TSGA10: variants seen among roughly 807,000 people sequenced by gnomAD.
The protein encoded by TSGA10 is testis-specific gene 10 protein.
Under a neutral mutation model 96.6 loss-of-function variants are expected in TSGA10, and 43 were observed. The observed-to-expected ratio is 0.44, with a 90% CI of 0.35 to 0.57. The LOEUF is 0.57. Ranked by LOEUF, TSGA10 falls within the 20% of genes least tolerant of loss-of-function variation. The pLI, the probability that TSGA10 is intolerant of heterozygous loss-of-function variation, is 0.01. For missense variants in TSGA10, 703 were observed against 834.4 expected (o/e 0.84, Z 1.94); for synonymous variants, 229 against 269.9 (o/e 0.85, Z 1.48).
chr2:99,118,496 T>A, intron 3 of TSGA10, 55 bp downstream of exon 3: 1 of 624,938 alleles, frequency 1.6e-6, no homozygotes, highest in Non-Finnish European at 2.0e-6. Flanking sequence ...TATACGTATA[T>A]ATATGTGTAT....
chr2:99,011,490 T>C (rs2104877375), intron 20 of TSGA10, among the ~76,000 whole-genome samples: 1 of 152,172 alleles, frequency 6.6e-6, no homozygotes, highest in South Asian at 2.1e-4. Context: ...TTTTAAAAAA[T>C]GAACAAATCC....
rs1574029098 is a variant in TSGA10 at position 99,069,120 on chromosome 2, C to T, written c.1108-122G>A. On this transcript the variant is annotated intron_variant, in intron 14 of 20. Transcript: ENST00000393483. ...AAAATTAACATACCTAATATATAAA[C>T]TCATATAAAAAAAGAAAACACATAA... The T allele has an allele frequency of 9.2e-6, 4 of 434,752 alleles. No individual in the cohort carries two copies. In the East Asian group the frequency reaches 1.5e-4, roughly 16 times the overall value. 26.9% of individuals were successfully genotyped at this position (434,752 alleles called of 1,614,324 possible). A position where few individuals can be genotyped will look rare whatever the true frequency, so the allele number is the denominator to read the frequency against.
chr2:99,116,188 CAAAT>C (rs759075625), intron 4 of TSGA10, among the ~76,000 whole-genome samples: 8 of 152,118 alleles, frequency 5.3e-5, no homozygotes, highest in Non-Finnish European at 8.8e-5. Flanking sequence ...AAAATCAAGA[CAAAT>C]AAGCATGTTC....
chr2:99,002,434 CT>C (rs1414016442), intron 20 of TSGA10, among the ~76,000 whole-genome samples: 1 of 152,188 alleles, frequency 6.6e-6, no homozygotes, highest in Non-Finnish European at 1.5e-5. Context: ...CAAACAGATG[CT>C]GAGAGATGTT....
At chr2:99,051,599 G>A (rs563316023) in intron 16 of TSGA10, among the ~76,000 whole-genome samples, 3 of 151,974 alleles carry the variant, frequency 2.0e-5, no homozygotes, top group African/African-American at 4.8e-5. Flanking sequence ...CAGGTAAATA[G>A]AAGACTTAAA....
At chr2:99,094,936 AG>A (rs2089856407) in intron 10 of TSGA10, among the ~76,000 whole-genome samples, 1 of 152,220 alleles carries the variant, frequency 6.6e-6, no homozygotes, top group Non-Finnish European at 1.5e-5. Flanking sequence ...TATACAAAAA[AG>A]ATACTTGTAC....
intron 10 of TSGA10, among the ~76,000 whole-genome samples, chr2:99,098,137 C>A (rs1328258652): frequency 6.6e-6 from 1 of 151,856 alleles, no homozygotes; most frequent in Non-Finnish European, 1.5e-5. Flanking sequence ...TTACATGTTT[C>A]TATTAGAAAA....
intron 17 of TSGA10, among the ~76,000 whole-genome samples, chr2:99,022,341 A>G (rs996971143): frequency 3.3e-5 from 5 of 150,986 alleles, no homozygotes; most frequent in African/African-American, 1.2e-4. Flanking sequence ...AAAAAAAAAA[A>G]AAAAAAAAAA....
rs561198563 is a variant in TSGA10 at position 99,147,169 on chromosome 2, T to A, written c.-621+7524A>T. ...TTGTGGCATATCTTTTTGTTTTTTT[T>A]AATTTTTTTCTGATAGGGATGAGGT... On this transcript the variant is annotated intron_variant, in intron 1 of 20. Coordinates refer to ENST00000393483, the MANE Select transcript of TSGA10 (RefSeq NM_025244.4). 23 of 318,784 alleles carry A rather than the reference T, an allele frequency of 7.2e-5. 1 individual carries two copies. The highest frequency in any genetic ancestry group is 1.1e-4 in the Non-Finnish European group (20 of 176,680). 19.7% of individuals were successfully genotyped at this position (318,784 alleles called of 1,614,324 possible).
At position 99,135,518 on chromosome 2, in the gene TSGA10, T is replaced by G. The variant is rs549259451; in HGVS notation, c.-620-8342A>C. Among the ~76,000 whole-genome samples, 17 of 152,330 alleles carry G rather than the reference T, an allele frequency of 1.1e-4. 1 individual carries two copies. In the South Asian group the frequency reaches 3.5e-3, roughly 32 times the overall value. ...AATTTATTCTTTATTTTTTTCAATG[T>G]GAAGTCTAAAATAAGGAAGAACTTT... is the stretch of plus-strand genomic sequence containing the variant. On this transcript the variant is annotated intron_variant, in intron 1 of 20. Coordinates refer to ENST00000393483, the MANE Select transcript of TSGA10 (RefSeq NM_025244.4).
chr2:99,103,826 T>G (rs1420697482), intron 10 of TSGA10, 141 bp downstream of exon 10: 1 of 943,916 alleles, frequency 1.1e-6, no homozygotes, highest in African/African-American at 1.7e-5. Flanking sequence ...GTTCACTGTG[T>G]GCCAAGGGTT....
chr2:99,091,241 A>C (rs577580660), intron 10 of TSGA10, among the ~76,000 whole-genome samples: 1 of 152,192 alleles, frequency 6.6e-6, no homozygotes, highest in African/African-American at 2.4e-5. Context: ...ACCACTACCA[A>C]GCCAGCACTA....
At chr2:99,152,473 C>A (rs1360053105) in intron 1 of TSGA10, among the ~76,000 whole-genome samples, 2 of 152,110 alleles carry the variant, frequency 1.3e-5, no homozygotes, top group Non-Finnish European at 2.9e-5. Context: ...TTTTTAGAGA[C>A]AGAGTCTTAC....
intron 10 of TSGA10, among the ~76,000 whole-genome samples, chr2:99,100,518 A>C (rs1393232140): frequency 6.6e-6 from 1 of 152,156 alleles, no homozygotes; most frequent in Non-Finnish European, 1.5e-5. Context: ...CACAACATAC[A>C]CAAAAATACA....
At chr2:99,035,751 C>G (rs2081566245) in intron 16 of TSGA10, among the ~76,000 whole-genome samples, 1 of 151,608 alleles carries the variant, frequency 6.6e-6, no homozygotes, top group African/African-American at 2.4e-5. Context: ...TATCATTTGA[C>G]CAACAGTTTT....
chr2:99,021,722 G>A (rs1010491300), intron 17 of TSGA10, among the ~76,000 whole-genome samples: 1 of 152,150 alleles, frequency 6.6e-6, no homozygotes, highest in Admixed American at 6.5e-5. Context: ...CACCAAAAAT[G>A]TCATTACTAA....
chr2:99,003,780 A>C (rs145737114), intron 20 of TSGA10, among the ~76,000 whole-genome samples: 2,646 of 152,266 alleles, frequency 0.017, 107 homozygotes, highest in South Asian at 0.16. Flanking sequence ...ATACCAGAAT[A>C]TCTGGGACAC....
chr2:99,035,501 A>G, intron 16 of TSGA10, 62 bp from the exon 17 acceptor site: 2 of 1,197,666 alleles, frequency 1.7e-6, no homozygotes, highest in Non-Finnish European at 2.3e-6. Flanking sequence ...AGGAAACTAT[A>G]ACATGGAAAA....
At chr2:99,048,190 T>C (rs535428687) in intron 16 of TSGA10, among the ~76,000 whole-genome samples, 3 of 152,202 alleles carry the variant, frequency 2.0e-5, no homozygotes, top group East Asian at 1.9e-4. Context: ...CAAGCTACCA[T>C]TGACTTTCTT....
Sources: gnomAD v4.1 joint callset for allele counts (sites outside exome capture counted in the v4.1 genomes callset) on GRCh38, gnomAD v4.1.1 for gene constraint, MANE v1.5 for transcripts, NCBI Gene and HGNC (gene_info 2026-07-23, HGNC 2026-07-21) for gene names.